TMIGD3: variants seen among roughly 807,000 people sequenced by gnomAD.
The protein encoded by TMIGD3 is AD026 protein (AD026).
In TMIGD3, 21 loss-of-function variants were observed where a neutral mutation model predicts 28.1. The observed-to-expected ratio is 0.75, with a 90% CI of 0.53 to 1.08. TMIGD3 has a LOEUF of 1.08. Ranked by LOEUF, TMIGD3 falls within the 50% of genes least tolerant of loss-of-function variation. TMIGD3 has a pLI of 0.00. For synonymous variants in TMIGD3, 151 were observed against 162.1 expected (o/e 0.93, Z 0.52); for missense variants, 416 against 435.6 (o/e 0.96, Z 0.40).
At chr1:111,515,821 C>T (rs930615936) in intron 1 of TMIGD3, among the ~76,000 whole-genome samples, 1 of 152,222 alleles carries the variant, frequency 6.6e-6, no homozygotes, top group Non-Finnish European at 1.5e-5. Flanking sequence ...GGTGCTGCGC[C>T]GGCCGGACGC....
At chr1:111,520,986 C>A (rs1656038158) in intron 1 of TMIGD3, among the ~76,000 whole-genome samples, 1 of 152,206 alleles carries the variant, frequency 6.6e-6, no homozygotes, top group South Asian at 2.1e-4. Flanking sequence ...TCTCCTCATG[C>A]CTCTTTGTAA....
intron 1 of TMIGD3, among the ~76,000 whole-genome samples, chr1:111,516,962 G>A (rs952746209): frequency 6.6e-6 from 1 of 152,216 alleles, no homozygotes; most frequent in African/African-American, 2.4e-5. Flanking sequence ...GTTTGCTTAG[G>A]GGAAGGTGAC....
At chr1:111,513,986 G>C (rs1196282135) in intron 1 of TMIGD3, among the ~76,000 whole-genome samples, 2 of 152,186 alleles carry the variant, frequency 1.3e-5, no homozygotes, top group African/African-American at 4.8e-5. Flanking sequence ...TCTCAGGGAG[G>C]AGGGCAAAGG....
rs1657051539 is a variant in TMIGD3 at position 111,546,848 on chromosome 1, T to C, written c.107+16998A>G. Reference sequence around the variant, plus strand: ...TGTATTTTTTTGAGGAATTGTCATATTGGTTTTCACAGTGGCTGCACCAGT... The same window carrying C: ...TGTATTTTTTTGAGGAATTGTCATACTGGTTTTCACAGTGGCTGCACCAGT... On this transcript the variant is annotated intron_variant, in intron 1 of 5. Transcript: ENST00000369717. Among the ~76,000 whole-genome samples the C allele has an allele frequency of 5.3e-5, 8 of 152,308 alleles. No individual in the cohort carries two copies. In the South Asian group the frequency reaches 1.7e-3, roughly 32 times the overall value.
intron 1 of TMIGD3, among the ~76,000 whole-genome samples, chr1:111,528,837 G>C (rs1420748440): frequency 1.3e-5 from 2 of 151,978 alleles, no homozygotes; most frequent in African/African-American, 4.8e-5. Context: ...GTATAGAGAA[G>C]CAATTGACTT....
At chr1:111,489,411 G>A (rs928664042) in intron 2 of TMIGD3, 2 of 311,518 alleles carry the variant, frequency 6.4e-6, no homozygotes, top group East Asian at 1.1e-4. Context: ...TCTGCAAACC[G>A]AGAGATGGCC....
upstream of TMIGD3, chr1:111,504,994 T>C (rs1359894239): frequency 1.0e-6 from 1 of 985,324 alleles, no homozygotes; most frequent in Non-Finnish European, 1.2e-6. Flanking sequence ...ATCCCTGCAC[T>C]GCTGGAACTT....
chr1:111,508,857 G>A (rs1429735520), intron 1 of TMIGD3, among the ~76,000 whole-genome samples: 1 of 152,228 alleles, frequency 6.6e-6, no homozygotes, highest in Admixed American at 6.5e-5. Flanking sequence ...AGCACTTTGG[G>A]AGGCCGAGGC....
intron 1 of TMIGD3, among the ~76,000 whole-genome samples, chr1:111,527,006 CTTTTTTTTTTT>C (rs71580580): frequency 2.8e-4 from 25 of 87,732 alleles, no homozygotes; most frequent in Non-Finnish European, 4.2e-4. Context: ...TCCTCAATGT[CTTTTTTTTTTT>C]TTTTTTTTTT....
chr1:111,524,958 T>G (rs149963786), intron 1 of TMIGD3, among the ~76,000 whole-genome samples: 3 of 152,368 alleles, frequency 2.0e-5, no homozygotes, highest in Admixed American at 6.5e-5. Flanking sequence ...ACTTGTAGAT[T>G]ATTTAAAAAT....
chr1:111,535,656 T>C (rs1656614651), intron 1 of TMIGD3, among the ~76,000 whole-genome samples: 1 of 152,252 alleles, frequency 6.6e-6, no homozygotes, highest in Non-Finnish European at 1.5e-5. Flanking sequence ...CAGCAATCAC[T>C]GAAAACATGT....
intron 1 of TMIGD3, among the ~76,000 whole-genome samples, chr1:111,513,859 C>T (rs1418801574): frequency 2.0e-5 from 3 of 152,174 alleles, no homozygotes; most frequent in South Asian, 2.1e-4. Context: ...AAATGACCAA[C>T]GTGAACTCTA....
At chr1:111,508,410 G>A (rs1176417939), upstream of TMIGD3, among the ~76,000 whole-genome samples, 2 of 152,246 alleles carry the variant, frequency 1.3e-5, 1 homozygote, top group Non-Finnish European at 2.9e-5. Flanking sequence ...GCACGTTTCT[G>A]TTGTCACTCG....
chr1:111,487,961 C>T (rs1654464673), intron 3 of TMIGD3, among the ~76,000 whole-genome samples: 1 of 151,958 alleles, frequency 6.6e-6, no homozygotes, highest in African/African-American at 2.4e-5. Context: ...GGCACCACCA[C>T]ATCCAGCTAA....
At chr1:111,512,063 T>TC (rs2100995266) in intron 1 of TMIGD3, among the ~76,000 whole-genome samples, 2 of 152,342 alleles carry the variant, frequency 1.3e-5, no homozygotes, top group African/African-American at 4.8e-5. Context: ...GGCTCGTTTG[T>TC]CACTCTGTCC....
intron 1 of TMIGD3, among the ~76,000 whole-genome samples, chr1:111,502,144 TAA>T (rs369797421): frequency 1.1e-3 from 39 of 35,740 alleles, no homozygotes; most frequent in South Asian, 3.3e-3. Flanking sequence ...TTTAATATAA[TAA>T]ATATATAGGA....
intron 1 of TMIGD3, among the ~76,000 whole-genome samples, chr1:111,533,894 T>G (rs1656535466): frequency 6.6e-6 from 1 of 152,178 alleles, no homozygotes; most frequent in South Asian, 2.1e-4. Context: ...TTGGAGCCAG[T>G]ATGCTTGAGT....
At chr1:111,558,499 T>C (rs1425444361) in intron 1 of TMIGD3, among the ~76,000 whole-genome samples, 1 of 152,182 alleles carries the variant, frequency 6.6e-6, no homozygotes, top group Non-Finnish European at 1.5e-5. Flanking sequence ...AAATAATTTT[T>C]AAAAAGCACT....
intron 1 of TMIGD3, among the ~76,000 whole-genome samples, chr1:111,521,292 C>A (rs74112315): frequency 0.023 from 3,482 of 152,172 alleles, 130 homozygotes; most frequent in African/African-American, 0.081. Flanking sequence ...GGGGTAAATA[C>A]CTCGTTATGG....
Sources: gnomAD v4.1 joint callset for allele counts (sites outside exome capture counted in the v4.1 genomes callset) on GRCh38, gnomAD v4.1.1 for gene constraint, MANE v1.5 for transcripts, NCBI Gene and HGNC (gene_info 2026-07-23, HGNC 2026-07-21) for gene names.